MGAT4D: variants seen among roughly 807,000 people sequenced by gnomAD.
MGAT4D encodes MGAT4 family member D, also known as alpha-1,3-mannosyl-glycoprotein 4-beta-N-acetylglucosaminyltransferase-like protein MGAT4D.
A neutral mutation model predicts 15.9 loss-of-function variants in MGAT4D; 34 were observed. That is an observed-to-expected ratio of 2.14 (90% CI 1.62 to 2.84). The LOEUF is 2.84. Ranked by LOEUF, MGAT4D falls within the 30% of genes most tolerant of loss-of-function variation. The pLI is 0.00. For missense variants in MGAT4D, 327 were observed against 140.2 expected (o/e 2.33, Z -6.73); for synonymous variants, 112 against 48.2 (o/e 2.33, Z -5.49).
intron 2 of MGAT4D, among the ~76,000 whole-genome samples, chr4:140,480,742 C>T (rs1226050692): frequency 1.0e-5 from 1 of 96,402 alleles, no homozygotes; most frequent in East Asian, 3.5e-4. Flanking sequence ...CACACACACA[C>T]ACACACACAC....
chr4:140,446,610 T>C (rs570595039), intron 10 of MGAT4D, among the ~76,000 whole-genome samples: 4 of 152,132 alleles, frequency 2.6e-5, no homozygotes, highest in African/African-American at 9.6e-5. Context: ...ATTAATTTCT[T>C]TGAAGAACCA....
chr4:140,492,856 T>A (rs72941722), intron 1 of MGAT4D, among the ~76,000 whole-genome samples: 1 of 151,950 alleles, frequency 6.6e-6, no homozygotes, highest in Admixed American at 6.5e-5. Flanking sequence ...AAAAGACACA[T>A]AATAAGTCTT....
chr4:140,459,150 A>G (rs1354063700), intron 8 of MGAT4D: 4 of 153,162 alleles, frequency 2.6e-5, no homozygotes, highest in Admixed American at 1.3e-4. Context: ...CCCTTTCTCT[A>G]CAATTTTAAT....
chr4:140,449,136 C>T (rs1369110459), intron 10 of MGAT4D, among the ~76,000 whole-genome samples: 1 of 152,082 alleles, frequency 6.6e-6, no homozygotes, highest in Non-Finnish European at 1.5e-5. Context: ...ACACGATTAG[C>T]TTATCAATTA....
chr4:140,490,575 A>G (rs948650972), intron 1 of MGAT4D, among the ~76,000 whole-genome samples: 4 of 152,214 alleles, frequency 2.6e-5, no homozygotes, highest in Admixed American at 6.5e-5. Context: ...CCCTTGTCCT[A>G]TGATTCCTTA....
chr4:140,461,484 C>T (rs1164062416), intron 7 of MGAT4D, among the ~76,000 whole-genome samples: 1 of 152,014 alleles, frequency 6.6e-6, no homozygotes, highest in Non-Finnish European at 1.5e-5. Flanking sequence ...CAGTAAGGCA[C>T]TGAGAACTGT....
intron 1 of MGAT4D, among the ~76,000 whole-genome samples, chr4:140,483,020 A>G (rs1732849278): frequency 1.3e-5 from 2 of 152,212 alleles, no homozygotes; most frequent in Admixed American, 1.3e-4. Flanking sequence ...TTCTTTTAAG[A>G]GTTCTGATGG....
intron 8 of MGAT4D, chr4:140,457,602 C>T (rs1337444302): frequency 6.6e-6 from 1 of 152,014 alleles, no homozygotes; most frequent in Non-Finnish European, 1.5e-5. Flanking sequence ...TAATGAATAA[C>T]CGAATTGCTA....
intron 1 of MGAT4D, among the ~76,000 whole-genome samples, chr4:140,485,829 A>G (rs1198480209): frequency 7.3e-6 from 1 of 136,984 alleles, no homozygotes; most frequent in African/African-American, 2.6e-5. Flanking sequence ...AAAAAAAAAA[A>G]AAAAAAAAAA....
intron 3 of MGAT4D, among the ~76,000 whole-genome samples, chr4:140,479,199 G>C (rs1021208294): frequency 6.6e-6 from 1 of 152,150 alleles, no homozygotes; most frequent in Non-Finnish European, 1.5e-5. Context: ...CAAAAACAAC[G>C]AGAAAAGATT....
intron 1 of MGAT4D, among the ~76,000 whole-genome samples, chr4:140,491,588 G>C (rs2126872451): frequency 6.6e-6 from 1 of 152,082 alleles, no homozygotes; most frequent in African/African-American, 2.4e-5. Flanking sequence ...TGGCTCAAGT[G>C]AATATTGCAG....
At chr4:140,483,519 G>C (rs1732883547) in intron 1 of MGAT4D, among the ~76,000 whole-genome samples, 1 of 151,902 alleles carries the variant, frequency 6.6e-6, no homozygotes, top group Admixed American at 6.6e-5. Flanking sequence ...AACAACCCCT[G>C]CAATTCATAT....
At chr4:140,474,547 A>G (rs1560786455) in intron 4 of MGAT4D, among the ~76,000 whole-genome samples, 1 of 152,186 alleles carries the variant, frequency 6.6e-6, no homozygotes, top group Non-Finnish European at 1.5e-5. Context: ...GGGATTCTAT[A>G]TTAAATGCAA....
chr4:140,458,735 G>A (rs1234907652), intron 8 of MGAT4D: 1 of 152,122 alleles, frequency 6.6e-6, no homozygotes, highest in African/African-American at 2.4e-5. Flanking sequence ...ATACAAACAT[G>A]AAAAGCACCA....
chr4:140,468,890 G>GAATTAA (rs1731725235), intron 5 of MGAT4D, among the ~76,000 whole-genome samples: 1 of 152,000 alleles, frequency 6.6e-6, no homozygotes, highest in Non-Finnish European at 1.5e-5. Flanking sequence ...TGATTACACT[G>GAATTAA]TCTTTCCCCC....
chr4:140,446,128 T>TG (rs199903432), intron 10 of MGAT4D, among the ~76,000 whole-genome samples: 5,630 of 152,004 alleles, frequency 0.037, 341 homozygotes, highest in African/African-American at 0.13. Context: ...CTGAAGTTTT[T>TG]TTGTTGTTGT....
chr4:140,482,568 T>A (rs1464912919), intron 1 of MGAT4D, 83 bp from the exon 2 acceptor site: 4 of 540,040 alleles, frequency 7.4e-6, no homozygotes, highest in Non-Finnish European at 1.3e-5. Context: ...ATGTAAAGTA[T>A]AAGTTTCAAT....
intron 5 of MGAT4D, among the ~76,000 whole-genome samples, chr4:140,468,528 T>C (rs909757946): frequency 6.6e-6 from 1 of 152,190 alleles, no homozygotes; most frequent in Non-Finnish European, 1.5e-5. Context: ...CCTATAAGAA[T>C]ACCAAACTAG....
intron 1 of MGAT4D, among the ~76,000 whole-genome samples, chr4:140,484,423 A>C (rs1460481700): frequency 6.6e-6 from 1 of 152,188 alleles, no homozygotes; most frequent in Non-Finnish European, 1.5e-5. Flanking sequence ...TGTTGGCAGG[A>C]ATATAAATTA....
Sources: gnomAD v4.1 joint callset for allele counts (sites outside exome capture counted in the v4.1 genomes callset) on GRCh38, gnomAD v4.1.1 for gene constraint, MANE v1.5 for transcripts, NCBI Gene and HGNC (gene_info 2026-07-23, HGNC 2026-07-21) for gene names.